Variants in SLC38A8 observed in about 807,000 individuals in gnomAD.
SLC38A8 encodes the protein amino acid transporter SLC38A8.
In SLC38A8, 65 loss-of-function variants were observed where a neutral mutation model predicts 46.0. The ratio of observed to expected loss-of-function variants is 1.41; its 90% CI spans 1.16 to 1.74. The LOEUF (loss-of-function observed/expected upper bound fraction) is 1.74, where lower values mean the gene tolerates loss of function less well. Ranked by LOEUF, SLC38A8 falls within the 40% of genes most tolerant of loss-of-function variation. SLC38A8 has a pLI of 0.00. For missense variants in SLC38A8, 998 were observed against 567.9 expected, an observed-to-expected ratio of 1.76 and a Z score of -7.70; for synonymous variants, 447 against 243.7, an observed-to-expected ratio of 1.83 and a Z score of -7.77.
At chr16:84,021,457 T>C (rs1234571754) in intron 7 of SLC38A8, among the ~76,000 whole-genome samples, 2 of 152,178 alleles carry the variant, frequency 1.3e-5, no homozygotes, top group South Asian at 4.1e-4. Flanking sequence ...AGGTTTGTCC[T>C]TTACTCCAGC....
intron 6 of SLC38A8, among the ~76,000 whole-genome samples, chr16:84,027,364 C>G (rs1295890308): frequency 1.4e-5 from 2 of 146,954 alleles, no homozygotes; most frequent in Admixed American, 6.6e-5. Context: ...AAAATTAAAA[C>G]AAACAAACAA....
At chr16:84,022,220 A>G (rs1438740591) in intron 7 of SLC38A8, among the ~76,000 whole-genome samples, 1 of 152,222 alleles carries the variant, frequency 6.6e-6, no homozygotes, top group Non-Finnish European at 1.5e-5. Flanking sequence ...GTGAATGAAA[A>G]AAGACTGGCG....
intron 5 of SLC38A8, among the ~76,000 whole-genome samples, chr16:84,030,022 G>A (rs2085219701): frequency 6.6e-6 from 1 of 152,208 alleles, no homozygotes. Flanking sequence ...CTGGTTCACA[G>A]CTTCCTTTGA....
intron 2 of SLC38A8, among the ~76,000 whole-genome samples, 163 bp from the exon 3 acceptor site, chr16:84,037,063 CCCCCA>C (rs1165438775): frequency 6.6e-6 from 1 of 152,130 alleles, no homozygotes; most frequent in African/African-American, 2.4e-5. Context: ...ACTGCACACA[CCCCCA>C]CCCCACCCCA....
chr16:84,031,872 T>G lies in SLC38A8; in HGVS notation c.627A>C (p.Ser209=). The change falls in exon 5 of 11, where the codon TCA becomes TCC. Residue 209 remains serine (S), a synonymous_variant. Coordinates refer to ENST00000299709, the MANE Select transcript of SLC38A8 (RefSeq NM_001080442.3). ...PQGLVRESHP[S]LSPASWTSVF... is the part of the protein sequence containing the mutation. ...AGCTGTTCCCTCAGACTTACCTCAG[T>G]GAAGGATGGGACTCACGCACGAGGC... is the stretch of plus-strand genomic sequence containing the variant. 6.2e-7 allele frequency: 1 copy of G among 1,613,950 alleles called. No individual in the cohort carries two copies. The highest frequency in any genetic ancestry group is 8.5e-7 in the Non-Finnish European group (1 of 1,179,918).
chr16:84,024,559 T>C (rs12929798), intron 6 of SLC38A8, among the ~76,000 whole-genome samples: 16,234 of 151,880 alleles, frequency 0.11, 1,116 homozygotes, highest in African/African-American at 0.18. Flanking sequence ...GGCGTGTGGA[T>C]CACCTGAGGT....
intron 4 of SLC38A8, 53 bp downstream of exon 4, chr16:84,033,275 C>T (rs1417793922): frequency 1.2e-6 from 2 of 1,612,570 alleles, no homozygotes; most frequent in Non-Finnish European, 1.7e-6. Flanking sequence ...GAAACCCTGA[C>T]ACAAACACTC....
chr16:84,030,847 C>T (rs1478586970), intron 5 of SLC38A8, among the ~76,000 whole-genome samples: 2 of 151,120 alleles, frequency 1.3e-5, no homozygotes, highest in African/African-American at 2.4e-5. Context: ...CTGTAGGGGT[C>T]GCACACCCAC....
intron 10 of SLC38A8, among the ~76,000 whole-genome samples, chr16:84,012,264 G>C (rs748769576): frequency 6.6e-6 from 1 of 152,338 alleles, no homozygotes; most frequent in East Asian, 1.9e-4. Flanking sequence ...CTGAGGAAGC[G>C]CACATCATTC....
chr16:84,026,240 G>GT (rs1212830198), intron 6 of SLC38A8, among the ~76,000 whole-genome samples: 4 of 152,210 alleles, frequency 2.6e-5, no homozygotes, highest in Non-Finnish European at 5.9e-5. Flanking sequence ...GTTTTGTTTT[G>GT]TTTTTTTGAG....
intron 8 of SLC38A8, 156 bp from the exon 9 acceptor site, chr16:84,016,883 A>T: frequency 9.7e-7 from 1 of 1,035,388 alleles, no homozygotes; most frequent in South Asian, 1.7e-5. Context: ...GCCAACCCTC[A>T]GGGGTTCTGC....
chr16:84,028,943 C>A (rs1470735785), intron 6 of SLC38A8, among the ~76,000 whole-genome samples: 1 of 152,160 alleles, frequency 6.6e-6, no homozygotes, highest in Non-Finnish European at 1.5e-5. Context: ...CACATATAGC[C>A]CCGTCCTCCC....
chr16:84,025,659 G>A (rs1190530535), intron 6 of SLC38A8, among the ~76,000 whole-genome samples: 2 of 152,120 alleles, frequency 1.3e-5, no homozygotes, highest in African/African-American at 2.4e-5. Context: ...CCTCCACCCA[G>A]CCTCGCTCTG....
chr16:84,022,860 G>A lies in SLC38A8; in HGVS notation c.720C>T (p.Cys240=), dbSNP rs1205372695. Residue 240 remains cysteine, a synonymous_variant, in exon 7 of 11, where the codon TGC becomes TGT. Coordinates refer to ENST00000299709, the MANE Select transcript of SLC38A8 (RefSeq NM_001080442.3). ...GGGAGAGGCTCCGTTTGCGCATGCT[G>A]CAGTAGATGGAGACGGCAGCTTCGT... ...QCHEAAVSIY[C]SMRKRSLSHW... 1 of 1,608,078 alleles carries A rather than the reference G, an allele frequency of 6.2e-7. No individual in the cohort carries two copies. Among genetic ancestry groups the A allele is most frequent in the South Asian group, 1.1e-5 (1 of 90,150 alleles).
intron 10 of SLC38A8, 109 bp downstream of exon 10, chr16:84,012,892 C>T: frequency 8.1e-7 from 1 of 1,237,698 alleles, no homozygotes; most frequent in Non-Finnish European, 1.2e-6. Context: ...GCAGGTTTCT[C>T]ACCTGCAGGA....
At chr16:84,010,599 T>C (rs915825287) in intron 10 of SLC38A8, among the ~76,000 whole-genome samples, 4 of 151,764 alleles carry the variant, frequency 2.6e-5, no homozygotes, top group South Asian at 2.1e-4. Flanking sequence ...AATAAAAAAT[T>C]AGCCAGGCAC....
At chr16:84,022,558 G>A (rs1028106187) in intron 7 of SLC38A8, among the ~76,000 whole-genome samples, 1 of 152,228 alleles carries the variant, frequency 6.6e-6, no homozygotes, top group African/African-American at 2.4e-5. Context: ...AGATCTAGCT[G>A]TGAAACCTCG....
chr16:84,025,065 G>A (rs568811050), intron 6 of SLC38A8, among the ~76,000 whole-genome samples: 2 of 152,172 alleles, frequency 1.3e-5, no homozygotes, highest in African/African-American at 4.8e-5. Flanking sequence ...GTGGGTCGTG[G>A]ACATTGGTGA....
chr16:84,014,411 C>T (rs1372102673), intron 9 of SLC38A8, among the ~76,000 whole-genome samples: 1 of 137,744 alleles, frequency 7.3e-6, no homozygotes, highest in African/African-American at 2.8e-5. Context: ...TCAGAGCATG[C>T]AGGAGCAGCT....
Sources: gnomAD v4.1 joint callset for allele counts (sites outside exome capture counted in the v4.1 genomes callset) on GRCh38, gnomAD v4.1.1 for gene constraint, MANE v1.5 for transcripts, NCBI Gene and HGNC (gene_info 2026-07-23, HGNC 2026-07-21) for gene names.